PTPRT: variants seen among roughly 807,000 people sequenced by gnomAD.
The protein encoded by PTPRT is receptor-type tyrosine-protein phosphatase T.
In PTPRT, 56 loss-of-function variants were observed where a neutral mutation model predicts 176.8. The ratio of observed to expected loss-of-function variants is 0.32; its 90% CI spans 0.26 to 0.40. The LOEUF is 0.40. Among genes scored for constraint, PTPRT ranks in the 10% least tolerant of loss-of-function variants. The pLI is 1.00. For missense variants in PTPRT, 1,540 were observed against 1,908.2 expected (o/e 0.81, Z 3.60); for synonymous variants, 783 against 739.0 (o/e 1.06, Z -0.96).
intron 1 of PTPRT, among the ~76,000 whole-genome samples, chr20:43,137,318 T>C (rs1014922300): frequency 7.2e-5 from 11 of 152,214 alleles, no homozygotes; most frequent in Non-Finnish European, 1.5e-4. Context: ...GTGGGCCAGA[T>C]CTGGCCCTCT....
At chr20:43,041,085 C>T (rs1471771669) in intron 1 of PTPRT, among the ~76,000 whole-genome samples, 2 of 152,142 alleles carry the variant, frequency 1.3e-5, no homozygotes, top group African/African-American at 4.8e-5. Flanking sequence ...TTTAACAAGC[C>T]CTGCATGTGA....
intron 9 of PTPRT, among the ~76,000 whole-genome samples, chr20:42,427,631 T>C (rs1451212829): frequency 6.6e-6 from 1 of 152,122 alleles, no homozygotes; most frequent in Admixed American, 6.5e-5. Context: ...CATTTTATCA[T>C]CTCCCAAAGG....
chr20:42,638,809 G>T lies in PTPRT; in HGVS notation c.1153+39057C>A, dbSNP rs187989063. 5.9e-4 allele frequency among the ~76,000 whole-genome samples: 90 copies of T among 152,032 alleles called. 2 individuals are homozygous for T. Among genetic ancestry groups the T allele is most frequent in the Non-Finnish European group, 1.1e-3 (72 of 67,996 alleles). On this transcript the variant is annotated intron_variant, in intron 7 of 30. Coordinates refer to ENST00000373187, the MANE Select transcript of PTPRT (RefSeq NM_007050.6). The stretch of plus-strand genomic sequence containing the variant: ...GCAATTAAAAAATCCATAATATATA[G>T]GTTGAATTTCAATTTTCTTCTCTGT...
intron 9 of PTPRT, among the ~76,000 whole-genome samples, chr20:42,436,114 A>C (rs2059260072): frequency 6.6e-6 from 1 of 152,176 alleles, no homozygotes; most frequent in Non-Finnish European, 1.5e-5. Context: ...ATAGATCAAA[A>C]ACTTAAATTT....
intron 1 of PTPRT, among the ~76,000 whole-genome samples, chr20:43,012,165 A>T (rs1262559197): frequency 6.6e-6 from 1 of 152,152 alleles, no homozygotes; most frequent in Non-Finnish European, 1.5e-5. Context: ...ACTCCCCATT[A>T]TATATACATC....
At chr20:42,196,820 T>C (rs1991235490) in intron 16 of PTPRT, among the ~76,000 whole-genome samples, 1 of 152,206 alleles carries the variant, frequency 6.6e-6, no homozygotes. Flanking sequence ...GAAAAACAGA[T>C]GTTAAATATT....
intron 1 of PTPRT, among the ~76,000 whole-genome samples, chr20:43,188,334 T>A (rs543438140): frequency 6.6e-6 from 1 of 152,114 alleles, no homozygotes; most frequent in African/African-American, 2.4e-5. Flanking sequence ...TCACCCAACT[T>A]CCCAGCCAGG....
intron 19 of PTPRT, among the ~76,000 whole-genome samples, chr20:42,125,824 GT>G (rs1356314243): frequency 6.6e-6 from 1 of 152,134 alleles, no homozygotes; most frequent in African/African-American, 2.4e-5. Context: ...AATGACTTTT[GT>G]TGGGGGATTC....
At chr20:42,773,777 A>AG (rs2077096016) in intron 4 of PTPRT, among the ~76,000 whole-genome samples, 1 of 152,236 alleles carries the variant, frequency 6.6e-6, no homozygotes, top group Non-Finnish European at 1.5e-5. Flanking sequence ...ACAGGCTTAA[A>AG]GGGGGAGTGA....
chr20:43,154,385 AT>A (rs2014454725), intron 1 of PTPRT, among the ~76,000 whole-genome samples: 1 of 152,156 alleles, frequency 6.6e-6, no homozygotes, highest in African/African-American at 2.4e-5. Flanking sequence ...TTATGTGTCT[AT>A]TTAATGCCAG....
intron 9 of PTPRT, among the ~76,000 whole-genome samples, chr20:42,378,303 C>T (rs1334619558): frequency 1.3e-5 from 2 of 152,162 alleles, no homozygotes; most frequent in Non-Finnish European, 2.9e-5. Flanking sequence ...TCTCAGATAC[C>T]TACTGACTGT....
At chr20:43,025,370 G>T (rs1985868652) in intron 1 of PTPRT, among the ~76,000 whole-genome samples, 1 of 152,200 alleles carries the variant, frequency 6.6e-6, no homozygotes, top group South Asian at 2.1e-4. Context: ...CCAACTTCCA[G>T]AACGCAGTCC....
chr20:42,102,749 G>T (rs1986068184), intron 25 of PTPRT, among the ~76,000 whole-genome samples: 1 of 152,210 alleles, frequency 6.6e-6, no homozygotes, highest in Admixed American at 6.5e-5. Context: ...AGAGAAAGCT[G>T]TCTGAGTATG....
chr20:42,357,742 CTA>C (rs1460758273), intron 9 of PTPRT, among the ~76,000 whole-genome samples: 1 of 151,848 alleles, frequency 6.6e-6, no homozygotes, highest in Non-Finnish European at 1.5e-5. Context: ...GACCCCATCT[CTA>C]CACCAATTTG....
rs1168529594 is a variant in PTPRT at position 42,653,227 on chromosome 20, C to G, written c.1153+24639G>C. On this transcript the variant is annotated intron_variant, in intron 7 of 30. Transcript: ENST00000373187. ...CCCACTTGCCCTACACTTCTCCTTG[C>G]TGCCACCATGTGAAGAAGGACATGT... 3.3e-5 allele frequency among the ~76,000 whole-genome samples: 5 copies of G among 152,170 alleles called. No homozygotes were observed. The East Asian group carries it at 9.6e-4, about 29-fold the overall frequency.
intron 1 of PTPRT, among the ~76,000 whole-genome samples, chr20:42,933,715 T>C (rs910644595): frequency 1.3e-5 from 2 of 152,230 alleles, no homozygotes; most frequent in African/African-American, 4.8e-5. Flanking sequence ...TCAGCAAGGT[T>C]CCTGTCAAAG....
chr20:42,121,697 T>A (rs3086715), intron 19 of PTPRT, among the ~76,000 whole-genome samples: 1,929 of 141,330 alleles, frequency 0.014, 107 homozygotes, highest in African/African-American at 0.036. Context: ...AAGAAATTTT[T>A]TATATATATA....
intron 14 of PTPRT, among the ~76,000 whole-genome samples, chr20:42,248,347 G>A (rs577012958): frequency 2.0e-5 from 3 of 152,284 alleles, no homozygotes; most frequent in East Asian, 3.9e-4. Context: ...TGGGGCTCCC[G>A]AGCTATCTTG....
chr20:42,072,690 C>A (rs992585006), downstream of PTPRT: 6 of 188,772 alleles, frequency 3.2e-5, no homozygotes, highest in Non-Finnish European at 5.6e-5. Flanking sequence ...AATTTTTTCT[C>A]CTCCTCCTTC....
Sources: allele counts gnomAD v4.1 joint callset (sites outside exome capture counted in the v4.1 genomes callset), GRCh38; gene constraint gnomAD v4.1.1; transcripts MANE v1.5; gene names NCBI Gene and HGNC (gene_info 2026-07-23, HGNC 2026-07-21).